The following MRPL21 variants were observed in gnomAD, a reference collection of about 807,000 sequenced individuals.
MRPL21 encodes mitochondrial ribosomal protein L21.
MRPL21 carries 20 observed loss-of-function variants against 27.3 expected under a neutral mutation model. The ratio of observed to expected loss-of-function variants is 0.73; its 90% confidence interval spans 0.52 to 1.06. MRPL21 has a LOEUF of 1.06. MRPL21 is among the 50% of genes least tolerant of loss of function. MRPL21 has a pLI of 0.00. For missense variants in MRPL21, 249 were observed against 251.4 expected, an observed-to-expected ratio of 0.99 and a Z score of 0.06; for synonymous variants, 98 against 101.5, an observed-to-expected ratio of 0.97 and a Z score of 0.21.
intron 3 of MRPL21, chr11:68,897,637 A>T (rs1293522146): frequency 1.3e-5 from 6 of 471,082 alleles, no homozygotes; most frequent in African/African-American, 1.9e-5. Context: ...AACTGGGGAG[A>T]GCTGTCGCTG....
chr11:68,903,600 A>C, intron 1 of MRPL21, 123 bp downstream of exon 1: 1 of 993,008 alleles, frequency 1.0e-6, no homozygotes, highest in Non-Finnish European at 1.6e-6. Flanking sequence ...AACCCGTGCT[A>C]TATTCACCAC....
Position 68,894,011 on chromosome 11 carries a change from G to T in MRPL21, c.397-556C>A, listed in dbSNP as rs71465410. Among the ~76,000 whole-genome samples, 13 of 151,496 alleles carry T rather than the reference G, an allele frequency of 8.6e-5. No individual in the cohort carries two copies. In the East Asian group the frequency reaches 2.3e-3, roughly 27 times the overall value. ...ACTGCACTCCAGCCTGGGCGACAGA[G>T]CGAGACTCTGTCTCAAAGAAAACAA... On this transcript the variant is annotated intron_variant, in intron 4 of 6. Transcript: ENST00000362034.
rs1161507302 is a variant in MRPL21 at position 68,896,571 on chromosome 11, T to TC, written c.339dup (p.Ile114AspfsTer6). On this transcript the variant is annotated frameshift_variant, in exon 4 of 7. Coordinates refer to ENST00000362034, the MANE Select transcript of MRPL21 (RefSeq NM_181514.2). LOFTEE classifies it high-confidence loss of function. ...AGGTCTAGTTCATTTCCAATTAAGA[T>TC]CAGGTCTTCAGAGGTCACCTTCCAC... is the stretch of plus-strand genomic sequence containing the variant. The TC allele has an allele frequency of 6.2e-7, 1 of 1,614,154 alleles. No homozygotes were observed. The highest frequency in any genetic ancestry group is 8.5e-7 in the Non-Finnish European group (1 of 1,180,014).
At chr11:68,896,481 TC>T in intron 4 of MRPL21, 33 bp downstream of exon 4, 3 of 1,610,120 alleles carry the variant, frequency 1.9e-6, no homozygotes, top group Non-Finnish European at 2.5e-6. Flanking sequence ...GGTGGCTGAG[TC>T]CCTGAATATC....
chr11:68,893,418 C>A lies in MRPL21; in HGVS notation c.434G>T (p.Gly145Val). 2 of 1,609,318 alleles carry A rather than the reference C, an allele frequency of 1.2e-6. No individual in the cohort carries two copies. Among genetic ancestry groups the A allele is most frequent in the Non-Finnish European group, 1.7e-6 (2 of 1,178,470 alleles). ...CAGCCATTACCCGAGGAGTGGCTTG[C>A]CAAGCAGCGTGAAGTTGTCTGCCCC... ...LVGADNFTLL[G>V]KPLLGKDLVR... Residue 145 changes from glycine to valine, a missense_variant, in exon 5 of 7, where the codon GGC becomes GTC. Physicochemically the swap from Gly to Val is moderately radical, Grantham distance 109. Transcript: ENST00000362034.
chr11:68,899,682 G>A (rs1171850307), intron 2 of MRPL21, among the ~76,000 whole-genome samples: 1 of 152,230 alleles, frequency 6.6e-6, no homozygotes, highest in Non-Finnish European at 1.5e-5. Context: ...CACAGGGGTA[G>A]TAGGCACAAC....
chr11:68,897,396 G>A (rs1857822879), intron 3 of MRPL21, among the ~76,000 whole-genome samples: 1 of 152,194 alleles, frequency 6.6e-6, no homozygotes, highest in African/African-American at 2.4e-5. Context: ...TGAAACTCTT[G>A]GCAGACTTGT....
intron 1 of MRPL21, among the ~76,000 whole-genome samples, chr11:68,901,448 G>A (rs1472689724): frequency 6.6e-6 from 1 of 152,182 alleles, no homozygotes; most frequent in Non-Finnish European, 1.5e-5. Flanking sequence ...GAAGACAGGG[G>A]ATCAAAATAA....
chr11:68,895,334 G>T (rs922022449), intron 4 of MRPL21, among the ~76,000 whole-genome samples: 1 of 152,160 alleles, frequency 6.6e-6, no homozygotes, highest in Admixed American at 6.6e-5. Context: ...AATCATAGCT[G>T]AAGGCTAGAA....
At chr11:68,903,612 A>G (rs781520250) in intron 1 of MRPL21, 111 bp downstream of exon 1, 18 of 1,130,292 alleles carry the variant, frequency 1.6e-5, no homozygotes, top group Non-Finnish European at 2.1e-5. Context: ...ATTCACCACA[A>G]ATGCGATCAA....
At chr11:68,893,851 A>T (rs919547119) in intron 4 of MRPL21, among the ~76,000 whole-genome samples, 5 of 152,174 alleles carry the variant, frequency 3.3e-5, no homozygotes, top group African/African-American at 1.2e-4. Context: ...AGGTGGGTGG[A>T]TCACAAGGTC....
chr11:68,892,703 A>G, intron 6 of MRPL21, 187 bp downstream of exon 6: 1 of 1,527,356 alleles, frequency 6.5e-7, no homozygotes, highest in Non-Finnish European at 8.8e-7. Context: ...GTGGAGGAGA[A>G]GGGGAGCGAG....
chr11:68,891,316 G>C lies in MRPL21; in HGVS notation c.*15C>G. On this transcript the variant is annotated 3_prime_UTR_variant, in exon 7 of 7. Transcript: ENST00000362034. ...GGAGTTTATTTTTATCCTTTTGTAA[G>C]TATTAACTCGGTAATCACAACAAAC... The C allele has an allele frequency of 3.1e-6, 5 of 1,612,630 alleles. No individual in the cohort carries two copies. Among genetic ancestry groups the C allele is most frequent in the Non-Finnish European group, 4.2e-6 (5 of 1,178,708 alleles).
At chr11:68,899,046 C>T (rs1857872744) in intron 2 of MRPL21, among the ~76,000 whole-genome samples, 1 of 152,138 alleles carries the variant, frequency 6.6e-6, no homozygotes, top group Admixed American at 6.5e-5. Flanking sequence ...CCTCGGCCTC[C>T]CAAAATTCTG....
Position 68,895,031 on chromosome 11 carries a change from G to A in MRPL21, c.396+1484C>T, listed in dbSNP as rs137898438. On this transcript the variant is annotated intron_variant, in intron 4 of 6. Transcript: ENST00000362034. Reference sequence around the variant, plus strand: ...TGTAATCCCAACACTGTGGGAGGCCGAGGCGGGCAGACTGCCTGAGGTTGG... The same window carrying A: ...TGTAATCCCAACACTGTGGGAGGCCAAGGCGGGCAGACTGCCTGAGGTTGG... Among the ~76,000 whole-genome samples, 844 of 152,318 alleles carry A rather than the reference G, an allele frequency of 5.5e-3. 7 individuals carry two copies. The highest frequency in any genetic ancestry group is 9.0e-3 in the Admixed American group (138 of 15,302).
In MRPL21 at chr11:68,896,693, G is replaced by A. The variant is rs200242958; in HGVS notation, c.233-15C>T. ...CTTCACGACCTCTGCAGGGGAAGGC[G>A]GGTGGGTGGGCAGTCACCCTCACCT... On this transcript the variant is annotated splice_polypyrimidine_tract_variant and intron_variant, in intron 3 of 6. Transcript: ENST00000362034. 946 of 1,612,476 alleles carry A rather than the reference G, an allele frequency of 5.9e-4. 1 individual carries two copies. Among genetic ancestry groups the A allele is most frequent in the Non-Finnish European group, 7.0e-4 (826 of 1,179,636 alleles).
intron 6 of MRPL21, 23 bp from the exon 7 acceptor site, chr11:68,891,418 C>CA: frequency 6.2e-7 from 1 of 1,613,062 alleles, no homozygotes; most frequent in Non-Finnish European, 8.5e-7. Flanking sequence ...ATGTCACAGG[C>CA]TTGACCACAG....
intron 4 of MRPL21, 65 bp downstream of exon 4, chr11:68,896,450 G>C: frequency 6.3e-7 from 1 of 1,576,034 alleles, no homozygotes; most frequent in Non-Finnish European, 8.7e-7. Context: ...GTGTGAGCTG[G>C]GGCGTGGAGA....
At chr11:68,894,291 C>A (rs1185881219) in intron 4 of MRPL21, among the ~76,000 whole-genome samples, 1 of 152,102 alleles carries the variant, frequency 6.6e-6, no homozygotes, top group Admixed American at 6.6e-5. Context: ...GTTCTTTCTT[C>A]TTTTTGTGAC....
Sources: gnomAD v4.1 joint callset for allele counts (sites outside exome capture counted in the v4.1 genomes callset) on GRCh38, gnomAD v4.1.1 for gene constraint, MANE v1.5 for transcripts, NCBI Gene and HGNC (gene_info 2026-07-23, HGNC 2026-07-21) for gene names.